Variants in ZCWPW1 observed in about 807,000 individuals in gnomAD.
ZCWPW1 encodes the protein zinc finger CW-type and PWWP domain containing 1, also known as zinc finger CW-type PWWP domain protein 1.
ZCWPW1 carries 56 observed loss-of-function variants against 81.3 expected under a neutral mutation model. That is an observed-to-expected ratio of 0.69 (90% CI 0.56 to 0.86). ZCWPW1 has a LOEUF of 0.86. Among genes scored for constraint, ZCWPW1 ranks in the 40% least tolerant of loss-of-function variants. The pLI is 0.00. For synonymous variants in ZCWPW1, 250 were observed against 273.7 expected (o/e 0.91, Z 0.86); for missense variants, 650 against 769.8 (o/e 0.84, Z 1.84).
At chr7:100,419,328 A>G in intron 4 of ZCWPW1, 139 bp from the exon 5 acceptor site, 2 of 779,912 alleles carry the variant, frequency 2.6e-6, no homozygotes, top group Non-Finnish European at 2.0e-6. Flanking sequence ...TAAGGAGGCC[A>G]TGAACTATAT....
At chr7:100,410,589 C>A (rs894003683) in intron 8 of ZCWPW1, among the ~76,000 whole-genome samples, 1 of 152,134 alleles carries the variant, frequency 6.6e-6, no homozygotes, top group Non-Finnish European at 1.5e-5. Flanking sequence ...TCCAAATGAC[C>A]TCTACATCCA....
At chr7:100,422,245 T>C (rs1796489396) in intron 2 of ZCWPW1, among the ~76,000 whole-genome samples, 1 of 152,252 alleles carries the variant, frequency 6.6e-6, no homozygotes, top group South Asian at 2.1e-4. Flanking sequence ...TAATAACTGC[T>C]ACACGACATC....
At chr7:100,410,653 A>C (rs1029647852) in intron 8 of ZCWPW1, among the ~76,000 whole-genome samples, 1 of 151,712 alleles carries the variant, frequency 6.6e-6, no homozygotes, top group African/African-American at 2.4e-5. Context: ...TTTTTTCTTC[A>C]TGTCACCTCT....
intron 8 of ZCWPW1, among the ~76,000 whole-genome samples, chr7:100,412,645 G>A (rs780027252): frequency 4.6e-5 from 7 of 151,700 alleles, no homozygotes; most frequent in Non-Finnish European, 8.8e-5. Flanking sequence ...GCAGTGGCAC[G>A]ATCTCCACTC....
intron 5 of ZCWPW1, chr7:100,418,740 G>A (rs1487758949): frequency 6.6e-6 from 1 of 152,128 alleles, no homozygotes; most frequent in Non-Finnish European, 1.5e-5. Flanking sequence ...GAAGTGAGCT[G>A]AGATCATATC....
chr7:100,402,406 A>G (rs1403132819), intron 16 of ZCWPW1, 110 bp downstream of exon 16: 1 of 1,215,130 alleles, frequency 8.2e-7, no homozygotes, highest in South Asian at 1.2e-5. Context: ...CTGTTTTCTC[A>G]GGTCCTGGCA....
chr7:100,415,811 G>T (rs1795112981), intron 8 of ZCWPW1, among the ~76,000 whole-genome samples, 164 bp downstream of exon 8: 1 of 152,184 alleles, frequency 6.6e-6, no homozygotes, highest in African/African-American at 2.4e-5. Flanking sequence ...GTGAATAAAT[G>T]ACTGAATGAA....
chr7:100,416,495 G>C (rs200159830), intron 6 of ZCWPW1, 39 bp from the exon 7 acceptor site: 46 of 1,604,532 alleles, frequency 2.9e-5, no homozygotes, highest in Non-Finnish European at 3.9e-5. Context: ...GGTAAAAATA[G>C]AGCAATTGCA....
At chr7:100,422,502 T>C (rs543806024) in intron 2 of ZCWPW1, among the ~76,000 whole-genome samples, 1 of 152,326 alleles carries the variant, frequency 6.6e-6, no homozygotes, top group East Asian at 1.9e-4. Flanking sequence ...TCTGCGAACA[T>C]TCCAGTATTT....
At position 100,403,216 on chromosome 7, in the gene ZCWPW1, ATT is replaced by A. The variant is rs11338339; in HGVS notation, c.1413+476_1413+477del. On this transcript the variant is annotated intron_variant, in intron 15 of 17. Coordinates refer to ENST00000684423, the MANE Select transcript of ZCWPW1 (RefSeq NM_001386010.1). ...AAACCCCAAGATCCTTGTCTAAACAATTTTTTTTTTTTTTTTTGAGAGGGAGT... is the reference window on the plus strand; with the variant it reads ...AAACCCCAAGATCCTTGTCTAAACAATTTTTTTTTTTTTTTGAGAGGGAGT... Among the ~76,000 whole-genome samples the A allele has an allele frequency of 2.4e-3, 332 of 141,048 alleles. 2 individuals are homozygous for A. Among genetic ancestry groups the A allele is most frequent in the African/African-American group, 6.8e-3 (261 of 38,366 alleles). 92.5% of individuals were successfully genotyped at this position (141,048 alleles called of 152,430 possible).
chr7:100,405,639 A>T (rs1296595509), intron 12 of ZCWPW1, among the ~76,000 whole-genome samples: 2 of 151,750 alleles, frequency 1.3e-5, no homozygotes, highest in Non-Finnish European at 2.9e-5. Context: ...AACTAGGTAT[A>T]TGTATATGTT....
chr7:100,406,568 C>A (rs1395202845), intron 12 of ZCWPW1, 126 bp downstream of exon 12: 2 of 888,250 alleles, frequency 2.3e-6, no homozygotes, highest in Non-Finnish European at 3.5e-6. Context: ...AATTACCTCA[C>A]CCTTGGCACA....
chr7:100,405,356 G>A (rs778229070), intron 12 of ZCWPW1, among the ~76,000 whole-genome samples: 2 of 151,896 alleles, frequency 1.3e-5, no homozygotes, highest in Non-Finnish European at 2.9e-5. Context: ...GAACCCAGGA[G>A]GCAGAGGTTG....
intron 1 of ZCWPW1, among the ~76,000 whole-genome samples, chr7:100,426,635 C>CT (rs1034155169): frequency 6.9e-6 from 1 of 144,636 alleles, no homozygotes; most frequent in African/African-American, 2.7e-5. Flanking sequence ...CTCCCTCTCA[C>CT]TTTTTCTCCC....
intron 13 of ZCWPW1, among the ~76,000 whole-genome samples, chr7:100,404,591 C>T (rs1239192052): frequency 6.6e-6 from 1 of 152,114 alleles, no homozygotes; most frequent in African/African-American, 2.4e-5. Flanking sequence ...AACTCCTGGA[C>T]TCAATGGATA....
Position 100,404,498 on chromosome 7 carries a change from C to A in ZCWPW1, c.1255-254G>T, listed in dbSNP as rs1792574222. ...GCCTTAGCCTCCCAAGTATGTGGGA[C>A]TGCAGGCATGCACCACCATGCCTGG... On this transcript the variant is annotated intron_variant, in intron 13 of 17. Transcript: ENST00000684423. Among the ~76,000 whole-genome samples the A allele has an allele frequency of 3.3e-5, 5 of 152,246 alleles. No homozygotes were observed. The South Asian group carries it at 1.0e-3, about 32-fold the overall frequency.
intron 13 of ZCWPW1, 82 bp from the exon 14 acceptor site, chr7:100,404,326 T>G: frequency 7.9e-7 from 1 of 1,269,146 alleles, no homozygotes; most frequent in Non-Finnish European, 1.1e-6. Context: ...AATTTAGTTA[T>G]GATGAAATTC....
chr7:100,424,056 A>G (rs6970828), intron 2 of ZCWPW1, among the ~76,000 whole-genome samples: 25,364 of 148,888 alleles, frequency 0.17, 2,286 homozygotes, highest in Non-Finnish European at 0.19. Context: ...GGCAACAAGA[A>G]CAAAACTCCG....
chr7:100,414,064 C>G lies in ZCWPW1; in HGVS notation c.754+1911G>C, dbSNP rs540521489. ...AAAAACCTTTTAGTTTCCTTTTTGA[C>G]TCTACCTAGAAACTCCCTTCGGGTA... On this transcript the variant is annotated intron_variant, in intron 8 of 17. Coordinates refer to ENST00000684423, the MANE Select transcript of ZCWPW1 (RefSeq NM_001386010.1). Among the ~76,000 whole-genome samples the G allele has an allele frequency of 2.6e-5, 4 of 152,322 alleles. 1 individual carries two copies. In the South Asian group the frequency reaches 8.3e-4, roughly 32 times the overall value.
Sources: gnomAD v4.1 joint callset for allele counts (sites outside exome capture counted in the v4.1 genomes callset) on GRCh38, gnomAD v4.1.1 for gene constraint, MANE v1.5 for transcripts, NCBI Gene and HGNC (gene_info 2026-07-23, HGNC 2026-07-21) for gene names.